TERB1: variants seen among roughly 807,000 people sequenced by gnomAD.
TERB1 encodes telomere repeat binding bouquet formation protein 1.
Under a neutral mutation model 92.3 loss-of-function variants are expected in TERB1, and 63 were observed. The ratio of observed to expected loss-of-function variants is 0.68; its 90% CI spans 0.56 to 0.84. TERB1 has a LOEUF of 0.84. Ranked by LOEUF, TERB1 falls within the 40% of genes least tolerant of loss-of-function variation. The probability of loss-of-function intolerance (pLI) is 0.00; values close to 1 mark genes in which losing one functional copy is unlikely to be tolerated. For synonymous variants in TERB1, 252 were observed against 283.9 expected (o/e 0.89, Z 1.13); for missense variants, 709 against 843.7 (o/e 0.84, Z 1.98).
intron 3 of TERB1, among the ~76,000 whole-genome samples, chr16:66,794,823 T>C (rs1382312935): frequency 6.6e-6 from 1 of 151,156 alleles, no homozygotes; most frequent in Admixed American, 6.6e-5. Flanking sequence ...AGCAGGAGAA[T>C]GGCGTGAACC....
chr16:66,794,036 T>C (rs941095279), intron 3 of TERB1, among the ~76,000 whole-genome samples: 3 of 152,194 alleles, frequency 2.0e-5, no homozygotes, highest in African/African-American at 7.2e-5. Context: ...AAATTTTTGA[T>C]GGAGCATAAT....
At position 66,788,313 on chromosome 16, in the gene TERB1, T is replaced by C; in HGVS notation, c.272-16A>G. ...TGACAGTAAACTGAAATATAAAATA[T>C]AATTTTAATTTCAATGCATTGTCAC... On this transcript the variant is annotated splice_polypyrimidine_tract_variant and intron_variant, in intron 5 of 18. Coordinates refer to ENST00000433154, the MANE Select transcript of TERB1 (RefSeq NM_001136505.2). 1 of 1,463,996 alleles carries C rather than the reference T, an allele frequency of 6.8e-7. No homozygotes were observed. The highest frequency in any genetic ancestry group is 2.8e-5 in the East Asian group (1 of 36,102). The allele number at this position is 1,463,996 out of a possible 1,614,324, so 90.7% of individuals were successfully genotyped here. A position where few individuals can be genotyped will look rare whatever the true frequency, so the allele number is the denominator to read the frequency against.
At chr16:66,767,338 C>CAA (rs34069156) in intron 16 of TERB1, 77 bp downstream of exon 16, 5,809 of 689,090 alleles carry the variant, frequency 8.4e-3, no homozygotes, top group Non-Finnish European at 0.01. Context: ...GACTCTGTAT[C>CAA]AAAAAAAAAA....
At position 66,774,473 on chromosome 16, in the gene TERB1, C is replaced by G. The variant is rs530529813; in HGVS notation, c.1111+645G>C. Among the ~76,000 whole-genome samples the G allele has an allele frequency of 1.4e-4, 21 of 152,146 alleles. No homozygotes were observed. The East Asian group carries it at 3.7e-3, about 27-fold the overall frequency. ...GTGCTGGGATTACAGGCGTGAGCCA[C>G]CGCGCCCGGCCCCAAACATTTTTAA... On this transcript the variant is annotated intron_variant, in intron 12 of 18. Coordinates refer to ENST00000433154, the MANE Select transcript of TERB1 (RefSeq NM_001136505.2).
At chr16:66,757,648 T>C (rs2018159061) in intron 18 of TERB1, among the ~76,000 whole-genome samples, 1 of 152,220 alleles carries the variant, frequency 6.6e-6, no homozygotes. Context: ...CTTGAAAGTT[T>C]TGGCAGTGAA....
At chr16:66,769,396 G>C (rs577822386) in intron 14 of TERB1, among the ~76,000 whole-genome samples, 1 of 152,092 alleles carries the variant, frequency 6.6e-6, no homozygotes. Flanking sequence ...CCCAAGTACA[G>C]TAACCAACAG....
At chr16:66,794,916 A>G (rs369340234) in intron 3 of TERB1, among the ~76,000 whole-genome samples, 5 of 90,974 alleles carry the variant, frequency 5.5e-5, no homozygotes. Context: ...TCTCAAAAAA[A>G]AAAAAAACAC....
At chr16:66,788,397 T>A in intron 5 of TERB1, 100 bp from the exon 6 acceptor site, 1 of 922,252 alleles carries the variant, frequency 1.1e-6, no homozygotes, top group Non-Finnish European at 1.6e-6. Flanking sequence ...CGATGGTTCT[T>A]AACCAAATCT....
At chr16:66,772,919 A>T (rs1007688900) in intron 12 of TERB1, among the ~76,000 whole-genome samples, 170 bp from the exon 13 acceptor site, 3 of 152,206 alleles carry the variant, frequency 2.0e-5, no homozygotes, top group South Asian at 4.1e-4. Flanking sequence ...GAGGCCCAGG[A>T]CTCAAACAGT....
intron 6 of TERB1, among the ~76,000 whole-genome samples, chr16:66,787,335 C>T (rs1439083781): frequency 1.3e-5 from 2 of 149,840 alleles, no homozygotes; most frequent in African/African-American, 4.9e-5. Context: ...CAGTATGTTA[C>T]CTAGGCTGGT....
chr16:66,775,061 A>G (rs2018522313), intron 12 of TERB1, 57 bp downstream of exon 12: 2 of 1,513,830 alleles, frequency 1.3e-6, no homozygotes, highest in African/African-American at 2.8e-5. Flanking sequence ...GAAAGCAGAA[A>G]TAAATTCTCC....
intron 12 of TERB1, among the ~76,000 whole-genome samples, chr16:66,773,999 C>A (rs1025263326): frequency 3.9e-5 from 6 of 151,958 alleles, no homozygotes; most frequent in African/African-American, 9.7e-5. Context: ...TCTGCCTCAG[C>A]CTCCCGAGTA....
At chr16:66,757,483 T>C (rs1266632603) in intron 18 of TERB1, among the ~76,000 whole-genome samples, 2 of 152,202 alleles carry the variant, frequency 1.3e-5, no homozygotes, top group Non-Finnish European at 2.9e-5. Flanking sequence ...GCATGATGTT[T>C]CTATGAAAAA....
intron 9 of TERB1, among the ~76,000 whole-genome samples, chr16:66,783,002 A>T (rs1359129133): frequency 6.8e-6 from 1 of 147,806 alleles, no homozygotes; most frequent in East Asian, 1.9e-4. Context: ...ACAGGTGTGA[A>T]CCATTACACC....
intron 3 of TERB1, among the ~76,000 whole-genome samples, chr16:66,792,164 A>T (rs1332227128): frequency 6.6e-6 from 1 of 152,170 alleles, no homozygotes; most frequent in Non-Finnish European, 1.5e-5. Flanking sequence ...AAACAGGAAA[A>T]CCTTTTGGTC....
intron 16 of TERB1, among the ~76,000 whole-genome samples, chr16:66,761,665 GT>G (rs1439426983): frequency 3.3e-5 from 5 of 152,002 alleles, no homozygotes; most frequent in Non-Finnish European, 7.4e-5. Flanking sequence ...GCACACATCT[GT>G]AGTCCTAGTT....
chr16:66,801,999 C>T (rs1032675313), upstream of TERB1, among the ~76,000 whole-genome samples: 3 of 152,198 alleles, frequency 2.0e-5, no homozygotes, highest in African/African-American at 4.8e-5. Flanking sequence ...TCCACCTCAC[C>T]AGGGGGCTTC....
chr16:66,754,927 G>A lies in TERB1; in HGVS notation c.*49C>T. On this transcript the variant is annotated 3_prime_UTR_variant, in exon 19 of 19. Coordinates refer to ENST00000433154, the MANE Select transcript of TERB1 (RefSeq NM_001136505.2). The stretch of plus-strand genomic sequence containing the variant: ...AAAATACTTTAAATGTATCTTTCAA[G>A]GCACTGTATTTTAAGAATCCAAACT... 7.0e-7 allele frequency: 1 copy of A among 1,438,844 alleles called. No homozygotes were observed. The highest frequency in any genetic ancestry group is 9.4e-7 in the Non-Finnish European group (1 of 1,062,816). 89.1% of individuals were successfully genotyped at this position (1,438,844 alleles called of 1,614,324 possible).
intron 13 of TERB1, among the ~76,000 whole-genome samples, chr16:66,771,131 G>A (rs4783734): frequency 0.3 from 45,975 of 152,052 alleles, 8,211 homozygotes; most frequent in East Asian, 0.6. Flanking sequence ...AAAGATCAAC[G>A]ATAGCATGGA....
Sources: gnomAD v4.1 joint callset for allele counts (sites outside exome capture counted in the v4.1 genomes callset) on GRCh38, gnomAD v4.1.1 for gene constraint, MANE v1.5 for transcripts, NCBI Gene and HGNC (gene_info 2026-07-23, HGNC 2026-07-21) for gene names.